The following FBXL2 variants were observed in gnomAD, a reference collection of about 807,000 sequenced individuals.
FBXL2 encodes F-box and leucine rich repeat protein 2, also known as F-box/LRR-repeat protein 2.
In FBXL2, 38 loss-of-function variants were observed where a neutral mutation model predicts 69.2. The observed-to-expected ratio is 0.55, with a 90% CI of 0.42 to 0.72. The LOEUF (loss-of-function observed/expected upper bound fraction) is 0.72, where lower values mean the gene tolerates loss of function less well. FBXL2 is among the 30% of genes least tolerant of loss of function. The pLI is 0.00. For missense variants in FBXL2, 354 were observed against 520.3 expected, an observed-to-expected ratio of 0.68 and a Z score of 3.11; for synonymous variants, 192 against 201.3, an observed-to-expected ratio of 0.95 and a Z score of 0.39.
intron 2 of FBXL2, among the ~76,000 whole-genome samples, chr3:33,307,476 TC>T (rs2036821583): frequency 6.6e-6 from 1 of 152,160 alleles, no homozygotes; most frequent in Non-Finnish European, 1.5e-5. Flanking sequence ...GATTTTTTTT[TC>T]TTTTGCATTA....
At chr3:33,281,925 A>C (rs1228561191) in intron 1 of FBXL2, among the ~76,000 whole-genome samples, 1 of 151,928 alleles carries the variant, frequency 6.6e-6, no homozygotes, top group African/African-American at 2.4e-5. Flanking sequence ...TATTTAAGTT[A>C]TTTGTAGATT....
At chr3:33,365,572 A>G (rs1248088324) in intron 5 of FBXL2, among the ~76,000 whole-genome samples, 2 of 152,020 alleles carry the variant, frequency 1.3e-5, no homozygotes, top group African/African-American at 4.8e-5. Flanking sequence ...CACCCAGGCT[A>G]TTGGGAATGT....
At chr3:33,384,336 G>A (rs1390544845) in intron 14 of FBXL2, 135 bp downstream of exon 14, 7 of 789,836 alleles carry the variant, frequency 8.9e-6, no homozygotes, top group Non-Finnish European at 1.2e-5. Flanking sequence ...CAAGGTGGGT[G>A]GACCACTTGA....
At chr3:33,301,258 A>G (rs1237667164) in intron 2 of FBXL2, among the ~76,000 whole-genome samples, 1 of 152,122 alleles carries the variant, frequency 6.6e-6, no homozygotes, top group Non-Finnish European at 1.5e-5. Context: ...TTGAATTCCT[A>G]TTCACCTTCA....
intron 2 of FBXL2, chr3:33,317,496 A>G: frequency 2.2e-6 from 1 of 456,666 alleles, no homozygotes; most frequent in Non-Finnish European, 4.4e-6. Context: ...CAGGATAACA[A>G]CAATAAACAA....
chr3:33,287,062 C>G (rs1368463266), intron 1 of FBXL2, among the ~76,000 whole-genome samples: 1 of 152,176 alleles, frequency 6.6e-6, no homozygotes, highest in Non-Finnish European at 1.5e-5. Flanking sequence ...GAACCTGGTA[C>G]CTCAGTTGGA....
intron 2 of FBXL2, among the ~76,000 whole-genome samples, chr3:33,327,154 CT>C (rs749685048): frequency 1.3e-5 from 2 of 152,106 alleles, no homozygotes; most frequent in African/African-American, 2.4e-5. Context: ...CACTGCAGCA[CT>C]TTTATAATCA....
At chr3:33,407,893 C>G (rs2044469299), downstream of FBXL2, among the ~76,000 whole-genome samples, 4 of 152,178 alleles carry the variant, frequency 2.6e-5, no homozygotes, top group Admixed American at 1.3e-4. Flanking sequence ...TGTAGCTGAT[C>G]TAAGTTTGCA....
chr3:33,297,676 A>C lies in FBXL2; in HGVS notation c.16A>C (p.Asn6His). Residue 6 changes from asparagine to histidine, a missense_variant, in exon 2 of 15, where the codon AAT (asparagine) becomes CAT (histidine). Asn to His is a moderately conservative substitution (Grantham distance 68, BLOSUM62 1). Coordinates refer to ENST00000484457, the MANE Select transcript of FBXL2 (RefSeq NM_012157.5). ...TTTTTCTTTCCAGGTTTTCTCAAAC[A>C]ATGATGAAGGCCTTATTAACAAAAA... The part of the protein sequence containing the change: MVFSN[N>H]DEGLINKKLP... The C allele has an allele frequency of 6.4e-7, 1 of 1,569,744 alleles. No individual in the cohort carries two copies. The highest frequency in any genetic ancestry group is 8.7e-7 in the Non-Finnish European group (1 of 1,155,066).
chr3:33,393,543 C>T (rs2043851877), intron 12 of FBXL2: 1 of 1,305,728 alleles, frequency 7.7e-7, no homozygotes, highest in South Asian at 1.8e-5. Context: ...ACGAAGGTCA[C>T]ACCTTTCAAA....
chr3:33,339,233 C>G (rs191240377), intron 2 of FBXL2, among the ~76,000 whole-genome samples: 27 of 152,146 alleles, frequency 1.8e-4, no homozygotes, highest in Non-Finnish European at 2.8e-4. Flanking sequence ...AATGAGATAC[C>G]ATCTCACACC....
At chr3:33,397,392 C>T (rs888039063) in intron 12 of FBXL2, 10 of 298,162 alleles carry the variant, frequency 3.4e-5, no homozygotes, top group Non-Finnish European at 5.5e-5. Context: ...GAGAGCAGGG[C>T]CTAAAGAACT....
At chr3:33,335,832 A>G (rs1299422977) in intron 2 of FBXL2, among the ~76,000 whole-genome samples, 1 of 152,224 alleles carries the variant, frequency 6.6e-6, no homozygotes, top group East Asian at 1.9e-4. Flanking sequence ...CCTGGATGAC[A>G]GAGTGAGACC....
At chr3:33,422,116 C>T in the FBXL2 span, among the ~76,000 whole-genome samples, 1 of 152,118 alleles carries the variant, frequency 6.6e-6, no homozygotes. Flanking sequence ...CTTTGCTAGT[C>T]TGGATCTTTG....
At chr3:33,419,969 T>G in the FBXL2 span, among the ~76,000 whole-genome samples, 1 of 152,230 alleles carries the variant, frequency 6.6e-6, no homozygotes, top group Non-Finnish European at 1.5e-5. Context: ...TGTTCCATTT[T>G]TGGCTCAGAA....
chr3:33,420,044 A>C, the FBXL2 span, among the ~76,000 whole-genome samples: 1 of 152,266 alleles, frequency 6.6e-6, no homozygotes, highest in African/African-American at 2.4e-5. Context: ...CCCACCTTTG[A>C]AGACACATAC....
Position 33,393,278 on chromosome 3 carries a change from A to T in FBXL2, n.1214+7550A>T, listed in dbSNP as rs1255922111. ...AATTACATGTATAAAAGTAAATACC[A>T]GTCTGAAAAGGAAAAACAAATGATT... On this transcript the variant is annotated intron_variant and non_coding_transcript_variant, in intron 12 of 12. Coordinates refer to the FBXL2 transcript ENST00000463736. 2.5e-6 allele frequency: 4 copies of T among 1,573,712 alleles called. No individual in the cohort carries two copies. The Admixed American group carries it at 7.7e-5, about 30-fold the overall frequency.
chr3:33,309,660 C>G (rs1480563961), intron 2 of FBXL2, among the ~76,000 whole-genome samples: 1 of 152,118 alleles, frequency 6.6e-6, no homozygotes, highest in African/African-American at 2.4e-5. Flanking sequence ...TAATTATTGT[C>G]TAGTTATTTC....
intron 1 of FBXL2, chr3:33,278,349 A>G (rs1256192996): frequency 6.6e-6 from 1 of 151,702 alleles, no homozygotes; most frequent in Non-Finnish European, 1.5e-5. Flanking sequence ...GAGGAGCTAG[A>G]CTCCTTGCTT....
Sources: gnomAD v4.1 joint callset for allele counts (sites outside exome capture counted in the v4.1 genomes callset) on GRCh38, gnomAD v4.1.1 for gene constraint, MANE v1.5 for transcripts, NCBI Gene and HGNC (gene_info 2026-07-23, HGNC 2026-07-21) for gene names.